Variants in FAT3 observed in about 807,000 individuals in gnomAD.
The protein encoded by FAT3 is protocadherin Fat 3.
In FAT3, 95 loss-of-function variants were observed where a neutral mutation model predicts 310.2. The ratio of observed to expected loss-of-function variants is 0.31; its 90% CI spans 0.26 to 0.36. The LOEUF is 0.36. Among genes scored for constraint, FAT3 ranks in the 10% least tolerant of loss-of-function variants. The pLI is 1.00. For missense variants in FAT3, 5,408 were observed against 5,715.6 expected (o/e 0.95, Z 1.74); for synonymous variants, 2,314 against 2,192.9 (o/e 1.06, Z -1.54).
At chr11:92,287,558 T>A (rs1946589866) in intron 1 of FAT3, among the ~76,000 whole-genome samples, 1 of 152,176 alleles carries the variant, frequency 6.6e-6, no homozygotes. Flanking sequence ...GAAATGCTAC[T>A]GTCAAGAAGT....
chr11:92,355,473 A>G, intron 2 of FAT3, 69 bp downstream of exon 2: 5 of 1,436,206 alleles, frequency 3.5e-6, no homozygotes, highest in Non-Finnish European at 3.8e-6. Flanking sequence ...GGAAAAGTAA[A>G]GGGATGTTAG....
intron 3 of FAT3, among the ~76,000 whole-genome samples, chr11:92,648,211 C>T (rs1051272694): frequency 6.6e-6 from 1 of 152,256 alleles, no homozygotes; most frequent in East Asian, 1.9e-4. Context: ...AGATGAATTG[C>T]ATTGCCATGT....
In FAT3 at chr11:92,837,532, C is replaced by T. The variant is rs538040653; in HGVS notation, c.10225-131C>T. 43 of 1,105,956 alleles carry T rather than the reference C, an allele frequency of 3.9e-5. 1 individual carries two copies. The highest frequency in any genetic ancestry group is 3.0e-4 in the Middle Eastern group (1 of 3,308). The allele number at this position is 1,105,956 out of a possible 1,614,324, so 68.5% of individuals were successfully genotyped here. ...AATGTCAGTGGTGCCAAGAATCACC[C>T]GGTCTGGAAAATCAAACTAAAGATG... On this transcript the variant is annotated intron_variant, in intron 16 of 27. Coordinates refer to ENST00000525166, the MANE Select transcript of FAT3 (RefSeq NM_001367949.2).
rs1949982152 is a variant in FAT3 at position 92,894,430 on chromosome 11, G to A, written c.*3317G>A. Reference sequence around the variant, plus strand: ...TTTGTCCTACCCCCTCCACCATGATGAACCATGTGGAAACTATTTAAATCA... The same window carrying A: ...TTTGTCCTACCCCCTCCACCATGATAAACCATGTGGAAACTATTTAAATCA... On this transcript the variant is annotated 3_prime_UTR_variant, in exon 28 of 28. Coordinates refer to ENST00000525166, the MANE Select transcript of FAT3 (RefSeq NM_001367949.2). 1 of 152,090 alleles carries A rather than the reference G, an allele frequency of 6.6e-6. No homozygotes were observed. The highest frequency in any genetic ancestry group is 2.4e-5 in the African/African-American group (1 of 41,404). The allele number at this position is 152,090 out of a possible 1,614,324, so 9.4% of individuals were successfully genotyped here. A position where few individuals can be genotyped will look rare whatever the true frequency, so the allele number is the denominator to read the frequency against.
intron 1 of FAT3, among the ~76,000 whole-genome samples, chr11:92,255,054 A>G (rs1865262280): frequency 6.6e-6 from 1 of 152,132 alleles, no homozygotes; most frequent in South Asian, 2.1e-4. Flanking sequence ...ATTTCTACTG[A>G]GCAGGAAACA....
chr11:92,859,989 T>G (rs992153381), intron 21 of FAT3, among the ~76,000 whole-genome samples: 2 of 152,052 alleles, frequency 1.3e-5, no homozygotes, highest in Non-Finnish European at 2.9e-5. Flanking sequence ...TCACATGAGG[T>G]CAGGAGTTCG....
chr11:92,639,454 G>GA (rs1443891106), intron 3 of FAT3, among the ~76,000 whole-genome samples: 1 of 152,012 alleles, frequency 6.6e-6, no homozygotes, highest in Non-Finnish European at 1.5e-5. Context: ...ATGTGGTTGT[G>GA]AAAAAAATCA....
intron 2 of FAT3, among the ~76,000 whole-genome samples, chr11:92,357,308 A>G (rs1431754162): frequency 6.6e-6 from 1 of 152,202 alleles, no homozygotes; most frequent in East Asian, 1.9e-4. Context: ...GAGAAGACAT[A>G]GAATGTGGAG....
chr11:92,523,540 G>A (rs996112151), intron 2 of FAT3, among the ~76,000 whole-genome samples: 1 of 152,254 alleles, frequency 6.6e-6, no homozygotes, highest in East Asian at 1.9e-4. Context: ...GGGTCTATAG[G>A]CTAAGTTATA....
rs749831832 is a variant in FAT3, at chr11:92,837,826, C to A, written c.10368+20C>A. 32 of 1,613,802 alleles carry A rather than the reference C, an allele frequency of 2.0e-5. No individual in the cohort carries two copies. In the East Asian group the frequency reaches 6.5e-4, roughly 33 times the overall value. ...ATTCAGGTGAGAAAATCTTGCCTGC[C>A]AAGCACTTGTCCCTTTGCATTCAGC... On this transcript the variant is annotated intron_variant, in intron 17 of 27. Coordinates refer to ENST00000525166, the MANE Select transcript of FAT3 (RefSeq NM_001367949.2).
intron 3 of FAT3, among the ~76,000 whole-genome samples, chr11:92,601,976 C>T (rs904007349): frequency 1.2e-4 from 18 of 152,114 alleles, no homozygotes; most frequent in Admixed American, 5.2e-4. Flanking sequence ...TTAGAACATA[C>T]TTGAATCTGC....
chr11:92,271,204 A>T (rs199933253), intron 1 of FAT3, among the ~76,000 whole-genome samples: 1 of 152,070 alleles, frequency 6.6e-6, no homozygotes, highest in Non-Finnish European at 1.5e-5. Flanking sequence ...CCAGTGTGAC[A>T]TGTAGACTCC....
chr11:92,462,338 G>A (rs1001594671), intron 2 of FAT3, among the ~76,000 whole-genome samples: 1 of 152,012 alleles, frequency 6.6e-6, no homozygotes, highest in Non-Finnish European at 1.5e-5. Context: ...CCACCCTTGA[G>A]TATGTCCTGG....
intron 1 of FAT3, among the ~76,000 whole-genome samples, chr11:92,308,040 T>G (rs912383684): frequency 1.3e-5 from 2 of 152,188 alleles, no homozygotes; most frequent in African/African-American, 4.8e-5. Flanking sequence ...AGCAACATTT[T>G]TTCCTGGTCA....
chr11:92,433,877 G>A (rs1950859988), intron 2 of FAT3, among the ~76,000 whole-genome samples: 1 of 151,980 alleles, frequency 6.6e-6, no homozygotes, highest in South Asian at 2.1e-4. Context: ...TTAGCTGGAT[G>A]TGGTAGTGGG....
At chr11:92,860,389 A>G (rs1342732916) in intron 21 of FAT3, among the ~76,000 whole-genome samples, 1 of 152,102 alleles carries the variant, frequency 6.6e-6, no homozygotes, top group African/African-American at 2.4e-5. Flanking sequence ...CTCACTCTCC[A>G]TCTTGCTACT....
rs1949813166 is a variant in FAT3, at chr11:92,887,114, G to A, written c.13051+1G>A. ...CAGTCAGATTCTGGTGACGACAATGGTAAGAAGTCATCAGATTTGTTCGGA... is the reference window on the plus strand; with the variant it reads ...CAGTCAGATTCTGGTGACGACAATGATAAGAAGTCATCAGATTTGTTCGGA... On this transcript the variant is annotated splice_donor_variant, in intron 25 of 27. Coordinates refer to ENST00000525166, the MANE Select transcript of FAT3 (RefSeq NM_001367949.2). LOFTEE classifies it high-confidence loss of function. 1.9e-6 allele frequency: 3 copies of A among 1,606,558 alleles called. No individual in the cohort carries two copies. The highest frequency in any genetic ancestry group is 1.7e-5 in the Admixed American group (1 of 58,968).
chr11:92,786,378 T>C (rs1946893710), intron 7 of FAT3, among the ~76,000 whole-genome samples: 1 of 152,048 alleles, frequency 6.6e-6, no homozygotes, highest in South Asian at 2.1e-4. Context: ...ATTTGCAATT[T>C]ATATCACCAA....
chr11:92,868,987 C>T (rs1299609810), intron 22 of FAT3, among the ~76,000 whole-genome samples: 1 of 152,134 alleles, frequency 6.6e-6, no homozygotes, highest in Admixed American at 6.5e-5. Flanking sequence ...TCCCTAGGGC[C>T]CCAGCCTTGC....
Sources: allele counts gnomAD v4.1 joint callset (sites outside exome capture counted in the v4.1 genomes callset), GRCh38; gene constraint gnomAD v4.1.1; transcripts MANE v1.5; gene names NCBI Gene and HGNC (gene_info 2026-07-23, HGNC 2026-07-21).